The following THSD7B variants were observed in gnomAD, a reference collection of about 807,000 sequenced individuals.
THSD7B encodes the protein thrombospondin type-1 domain-containing protein 7B.
THSD7B carries 138 observed loss-of-function variants against 213.6 expected under a neutral mutation model. The ratio of observed to expected loss-of-function variants is 0.65; its 90% CI spans 0.56 to 0.74. The LOEUF is 0.74. Among genes scored for constraint, THSD7B ranks in the 30% least tolerant of loss-of-function variants. The probability of loss-of-function intolerance (pLI) is 0.00; values close to 1 mark genes in which losing one functional copy is unlikely to be tolerated. For missense variants in THSD7B, 1,931 were observed against 1,991.5 expected (o/e 0.97, Z 0.58); for synonymous variants, 742 against 687.0 (o/e 1.08, Z -1.25).
intron 14 of THSD7B, among the ~76,000 whole-genome samples, chr2:137,443,885 A>G (rs575772362): frequency 5.9e-5 from 9 of 152,164 alleles, no homozygotes; most frequent in Admixed American, 4.6e-4. Flanking sequence ...TTTTTTGTCA[A>G]TTAATTGTTT....
intron 17 of THSD7B, among the ~76,000 whole-genome samples, chr2:137,583,098 G>T (rs1681620022): frequency 1.3e-5 from 2 of 152,210 alleles, no homozygotes; most frequent in African/African-American, 2.4e-5. Context: ...CAGGGATGAT[G>T]AGCATTTTTT....
At chr2:137,557,797 AC>A (rs756382944) in intron 15 of THSD7B, among the ~76,000 whole-genome samples, 1 of 152,238 alleles carries the variant, frequency 6.6e-6, no homozygotes, top group Non-Finnish European at 1.5e-5. Flanking sequence ...GAAAAGATCA[AC>A]AAAATTGATA....
chr2:137,387,326 A>G (rs1685919379), intron 12 of THSD7B, among the ~76,000 whole-genome samples: 1 of 152,168 alleles, frequency 6.6e-6, no homozygotes, highest in African/African-American at 2.4e-5. Flanking sequence ...TAACAAGGAT[A>G]CTCAGCTGTC....
intron 2 of THSD7B, among the ~76,000 whole-genome samples, chr2:136,969,305 C>T (rs565503182): frequency 3.3e-5 from 5 of 152,252 alleles, no homozygotes; most frequent in South Asian, 2.1e-4. Context: ...AATAGTACTT[C>T]GTTTTGTTTC....
intron 2 of THSD7B, among the ~76,000 whole-genome samples, chr2:137,033,112 T>G (rs1271403325): frequency 7.3e-6 from 1 of 137,534 alleles, no homozygotes; most frequent in East Asian, 2.2e-4. Flanking sequence ...AGTTATTACT[T>G]GATAACAAGT....
intron 10 of THSD7B, among the ~76,000 whole-genome samples, chr2:137,252,072 C>T (rs1682191148): frequency 6.6e-6 from 1 of 151,858 alleles, no homozygotes; most frequent in African/African-American, 2.4e-5. Context: ...TCGAGACCAT[C>T]CTGGCTAACA....
chr2:136,848,648 A>G (rs1173928232), intron 1 of THSD7B, among the ~76,000 whole-genome samples: 3 of 152,158 alleles, frequency 2.0e-5, no homozygotes, highest in South Asian at 2.1e-4. Flanking sequence ...TATTTATTGT[A>G]TCTTTTAATC....
At chr2:137,515,965 GT>G (rs1161825323) in intron 15 of THSD7B, among the ~76,000 whole-genome samples, 1 of 152,182 alleles carries the variant, frequency 6.6e-6, no homozygotes. Flanking sequence ...GAGGAGGCCT[GT>G]AATTGCTCTT....
In THSD7B at chr2:137,450,976, C is replaced by G; in HGVS notation, c.3091C>G (p.Pro1031Ala). 1 of 1,610,838 alleles carries G rather than the reference C, an allele frequency of 6.2e-7. No individual in the cohort carries two copies. ...TCGATCCAAATGGCTAAAAGAAAAA[C>G]CTTACAATGGAGGACGACCATGTCC... ...RIRSKWLKEK[P>A]YNGGRPCPKL... Residue 1031 changes from proline (P) to alanine (A), a missense_variant, in exon 15 of 28, where the codon CCT becomes GCT. Pro to Ala is a conservative substitution (Grantham distance 27). Transcript: ENST00000409968.
intron 15 of THSD7B, among the ~76,000 whole-genome samples, chr2:137,459,332 T>C (rs1045995485): frequency 6.6e-6 from 1 of 152,150 alleles, no homozygotes; most frequent in Admixed American, 6.5e-5. Flanking sequence ...GAAAAACATT[T>C]GTTAAAACAT....
At chr2:137,268,201 C>T (rs1456517621) in intron 10 of THSD7B, among the ~76,000 whole-genome samples, 1 of 151,924 alleles carries the variant, frequency 6.6e-6, no homozygotes, top group Non-Finnish European at 1.5e-5. Flanking sequence ...ATGTGCACAA[C>T]ATGCAGGTTT....
intron 4 of THSD7B, among the ~76,000 whole-genome samples, chr2:137,110,082 G>T (rs1432222): frequency 2.0e-5 from 3 of 151,880 alleles, no homozygotes; most frequent in Non-Finnish European, 4.4e-5. Flanking sequence ...AGGACTCTGA[G>T]GATTTCCCTC....
chr2:137,189,408 A>G (rs1468936564), intron 7 of THSD7B, among the ~76,000 whole-genome samples: 1 of 152,160 alleles, frequency 6.6e-6, no homozygotes, highest in Non-Finnish European at 1.5e-5. Flanking sequence ...TTGCTTGTCC[A>G]CATCCATTAT....
intron 15 of THSD7B, among the ~76,000 whole-genome samples, chr2:137,457,100 C>T (rs1451869576): frequency 1.3e-5 from 2 of 152,092 alleles, no homozygotes; most frequent in Non-Finnish European, 2.9e-5. Context: ...GATTCCTCTC[C>T]CCCAACATTT....
At chr2:136,857,403 G>T (rs1683193300) in intron 1 of THSD7B, among the ~76,000 whole-genome samples, 1 of 152,122 alleles carries the variant, frequency 6.6e-6, no homozygotes, top group South Asian at 2.1e-4. Flanking sequence ...AGCAGTAAAT[G>T]GCTGAAAGTG....
intron 2 of THSD7B, among the ~76,000 whole-genome samples, chr2:137,043,374 G>C (rs1686916201): frequency 6.6e-6 from 1 of 152,032 alleles, no homozygotes; most frequent in African/African-American, 2.4e-5. Context: ...ACCATGCTTG[G>C]TTCTTTATGG....
At chr2:137,589,827 C>T (rs569309421) in intron 17 of THSD7B, among the ~76,000 whole-genome samples, 4 of 152,220 alleles carry the variant, frequency 2.6e-5, no homozygotes, top group South Asian at 2.1e-4. Flanking sequence ...TATTGGACAT[C>T]CTTGCATTCC....
At chr2:137,386,873 A>G (rs1180693121) in intron 12 of THSD7B, among the ~76,000 whole-genome samples, 1 of 152,182 alleles carries the variant, frequency 6.6e-6, no homozygotes, top group Non-Finnish European at 1.5e-5. Context: ...TCCTACCGTT[A>G]ACAGCAATTC....
chr2:137,077,978 A>T (rs1264286507), intron 3 of THSD7B, among the ~76,000 whole-genome samples: 1 of 152,158 alleles, frequency 6.6e-6, no homozygotes, highest in Non-Finnish European at 1.5e-5. Flanking sequence ...TTAAGTCTTT[A>T]ATCCATCTTG....
Sources: allele counts gnomAD v4.1 joint callset (sites outside exome capture counted in the v4.1 genomes callset), GRCh38; gene constraint gnomAD v4.1.1; transcripts MANE v1.5; gene names NCBI Gene and HGNC (gene_info 2026-07-23, HGNC 2026-07-21).